CFAP65: variants seen among roughly 807,000 people sequenced by gnomAD.
CFAP65 encodes the protein cilia- and flagella-associated protein 65.
A neutral mutation model predicts 208.0 loss-of-function variants in CFAP65; 155 were observed. The observed-to-expected ratio is 0.75, with a 90% CI of 0.65 to 0.85. The LOEUF (loss-of-function observed/expected upper bound fraction) is 0.85, where lower values mean the gene tolerates loss of function less well. Ranked by LOEUF, CFAP65 falls within the 40% of genes least tolerant of loss-of-function variation. The pLI, the probability that CFAP65 is intolerant of heterozygous loss-of-function variation, is 0.00. For missense variants in CFAP65, 2,294 were observed against 2,451.3 expected (o/e 0.94, Z 1.36); for synonymous variants, 970 against 986.3 (o/e 0.98, Z 0.31).
Position 219,028,246 on chromosome 2 carries a change from C to T in CFAP65, c.1806G>A (p.Lys602=). 1.9e-6 allele frequency: 3 copies of T among 1,614,102 alleles called. No individual in the cohort carries two copies. In the South Asian group the frequency reaches 3.3e-5, roughly 18 times the overall value. ...PDILDAMLKE[K]KLAQDQNGAL... ...CCCCGTTCTGGTCCTGTGCCAGCTT[C>T]TTCTCCTTCAGCATGGCATCCAGGA... The change falls in exon 12 of 35, where the codon AAG becomes AAA. Residue 602 remains lysine (K), a synonymous_variant. Coordinates refer to ENST00000341552, the MANE Select transcript of CFAP65 (RefSeq NM_194302.4).
At position 219,006,128 on chromosome 2, in the gene CFAP65, C is replaced by T. The variant is rs753510174; in HGVS notation, c.4815G>A (p.Gln1605=). 1.2e-6 allele frequency: 2 copies of T among 1,613,642 alleles called. No homozygotes were observed. Among genetic ancestry groups the T allele is most frequent in the Admixed American group, 1.7e-5 (1 of 60,026 alleles). The change falls in exon 31 of 35, where the codon CAG becomes CAA. Residue 1605 remains glutamine, a synonymous_variant. Transcript: ENST00000341552. ...PKEEVSWPCP[Q]PPSPGMLCLG... is the part of the protein sequence containing the mutation. ...GGCAGAGCATGCCTGGCGAGGGTGG[C>T]TGGGGGCAGGGCCAGGACACCTCCT... is the stretch of plus-strand genomic sequence containing the variant.
chr2:219,003,785 G>A lies in CFAP65; in HGVS notation c.5555+167C>T, dbSNP rs976728545. ...AAGAATAAAGTTCAGTGTTGGTGCCGGGCGGATACTCCCACAGAGGCCTTA... is the reference window on the plus strand; with the variant it reads ...AAGAATAAAGTTCAGTGTTGGTGCCAGGCGGATACTCCCACAGAGGCCTTA... On this transcript the variant is annotated intron_variant, in intron 33 of 34. Transcript: ENST00000341552. This position sits in a 1 kb window ranked among gnomAD's most constrained non-coding sequence, Gnocchi z 4.4. Among the ~76,000 whole-genome samples, 2 of 152,140 alleles carry A rather than the reference G, an allele frequency of 1.3e-5. No homozygotes were observed. Among genetic ancestry groups the A allele is most frequent in the African/African-American group, 4.8e-5 (2 of 41,434 alleles).
At chr2:219,038,236 A>G in intron 4 of CFAP65, 139 bp downstream of exon 4, 1 of 718,650 alleles carries the variant, frequency 1.4e-6, no homozygotes, top group Non-Finnish European at 2.3e-6. Context: ...GGTGACAAGG[A>G]AAGTCTAGAC....
intron 11 of CFAP65, 154 bp from the exon 12 acceptor site, chr2:219,028,555 G>T: frequency 1.5e-6 from 1 of 682,970 alleles, no homozygotes; most frequent in Non-Finnish European, 2.6e-6. Context: ...ACTCAGCAGT[G>T]GTCTGGCTCA....
At chr2:219,020,120 C>T (rs1947182332) in intron 19 of CFAP65, among the ~76,000 whole-genome samples, 1 of 150,810 alleles carries the variant, frequency 6.6e-6, no homozygotes, top group African/African-American at 2.5e-5. Flanking sequence ...TTTTCATCAT[C>T]CCAAATAGAA....
chr2:219,009,361 C>G lies in CFAP65; in HGVS notation c.4552G>C (p.Asp1518His). 6.2e-7 allele frequency: 1 copy of G among 1,610,814 alleles called. No individual in the cohort carries two copies. Among genetic ancestry groups the G allele is most frequent in the South Asian group, 1.1e-5 (1 of 91,048 alleles). ...CTGGTTCCTACCTTGCATACCAGGT[C>G]TGCACTGTAGAAGCTGGCATGCACA... ...ASVHASFYSA[D>H]LVCKLYSQQL... Residue 1518 changes from aspartate (D) to histidine (H), a missense_variant, in exon 28 of 35, where the codon GAC becomes CAC. Physicochemically the swap from Asp to His is moderately conservative, Grantham distance 81. Around this residue, in one of 2 missense-constraint regions of CFAP65, gnomAD observed 1,427 missense variants for 1,438.7 expected, o/e 0.99. Coordinates refer to ENST00000341552, the MANE Select transcript of CFAP65 (RefSeq NM_194302.4).
intron 13 of CFAP65, chr2:219,026,959 A>T: frequency 2.0e-6 from 2 of 987,412 alleles, no homozygotes; most frequent in Non-Finnish European, 2.4e-6. Flanking sequence ...AGATGAAAAG[A>T]TCAGGACTCA....
intron 24 of CFAP65, among the ~76,000 whole-genome samples, chr2:219,011,450 T>G: frequency 6.6e-6 from 1 of 151,818 alleles, no homozygotes; most frequent in Non-Finnish European, 1.5e-5. Flanking sequence ...GCTTCAAAAA[T>G]ATATATATTT....
rs200589233 is a variant in CFAP65, at chr2:219,019,567, T to C, written c.3412A>G (p.Ser1138Gly). Residue 1138 changes from serine to glycine, a missense_variant, in exon 20 of 35, where the codon AGT (serine) becomes GGT (glycine). Ser to Gly is a moderately conservative substitution (Grantham distance 56). Coordinates refer to ENST00000341552, the MANE Select transcript of CFAP65 (RefSeq NM_194302.4). ...GGGGTGGGGTCACGCTCCAAGTAAC[T>C]GTTAAGCAGGTCCAGAGAGAAGAGG... ...WRLFSLDLLN[S>G]YLERDPTPCE... 62 of 1,613,674 alleles carry C rather than the reference T, an allele frequency of 3.8e-5. No homozygotes were observed. The African/African-American group carries it at 8.0e-4, about 21-fold the overall frequency.
Position 219,031,211 on chromosome 2 carries a change from T to C in CFAP65, c.910A>G (p.Lys304Glu). 6.2e-7 allele frequency: 1 copy of C among 1,613,630 alleles called. No individual in the cohort carries two copies. The highest frequency in any genetic ancestry group is 1.3e-5 in the African/African-American group (1 of 75,042). Residue 304 changes from lysine to glutamate, a missense_variant, in exon 8 of 35, where the codon AAG (lysine) becomes GAG (glutamate). Transcript: ENST00000341552. The surrounding 1 kb of genome is among the most constrained non-coding windows in gnomAD (Gnocchi z 5.2). ...GCTGTAAGGGGCTGAAAGGTCACCTTGATCTGAGAGGCCTGGCCTGGCTCC... is the reference window on the plus strand; with the variant it reads ...GCTGTAAGGGGCTGAAAGGTCACCTCGATCTGAGAGGCCTGGCCTGGCTCC... ...LLEPGQASQI[K>E]VTFQPLTAVI...
Position 219,023,421 on chromosome 2 carries a change from A to G in CFAP65, c.2606T>C (p.Met869Thr), listed in dbSNP as rs553063052. The G allele has an allele frequency of 2.5e-6, 4 of 1,573,830 alleles. No individual in the cohort carries two copies. The highest frequency in any genetic ancestry group is 4.6e-5 in the East Asian group (2 of 43,528). The change falls in exon 16 of 35, where the codon ATG becomes ACG. Residue 869 changes from methionine to threonine, a missense_variant. This residue lies in a region of CFAP65 where 1,427 missense variants were observed against 1,438.7 expected (regional missense o/e 0.99). Coordinates refer to ENST00000341552, the MANE Select transcript of CFAP65 (RefSeq NM_194302.4). ...ASPQYLKEVS[M>T]YSREEPLQLK... ...CTGCAGTGGCTCCTCCCGGCTGTAC[A>G]TGCTCACCTCCTGGAGCCAGAGGAA... is the stretch of plus-strand genomic sequence containing the variant.
At chr2:219,026,229 C>T in intron 13 of CFAP65, 70 bp from the exon 14 acceptor site, 1 of 1,525,684 alleles carries the variant, frequency 6.6e-7, no homozygotes, top group South Asian at 1.2e-5. Flanking sequence ...CCCATTTTGC[C>T]CCTCCTTGCC....
intron 32 of CFAP65, among the ~76,000 whole-genome samples, chr2:219,005,177 C>T (rs1433884604): frequency 6.6e-6 from 1 of 152,010 alleles, no homozygotes; most frequent in Non-Finnish European, 1.5e-5. Flanking sequence ...AGGCATGCAC[C>T]ACCATGTCCA....
At chr2:219,011,810 C>G (rs1183991490) in intron 24 of CFAP65, among the ~76,000 whole-genome samples, 1 of 152,246 alleles carries the variant, frequency 6.6e-6, no homozygotes. Flanking sequence ...CATGCTGACT[C>G]TATTTCTCTA....
chr2:219,014,361 C>T (rs543596901), intron 21 of CFAP65: 107 of 207,068 alleles, frequency 5.2e-4, no homozygotes, highest in Non-Finnish European at 7.5e-4. Flanking sequence ...ATGAACCCTT[C>T]TGTGACAAAG....
chr2:219,022,035 G>A, intron 17 of CFAP65, 105 bp from the exon 18 acceptor site: 2 of 1,544,336 alleles, frequency 1.3e-6, no homozygotes, highest in Non-Finnish European at 1.8e-6. Flanking sequence ...GGCAAGTTTG[G>A]GGTATCCGGG....
At chr2:219,013,832 A>G (rs773336193) in intron 22 of CFAP65, 36 bp downstream of exon 22, 5 of 1,540,916 alleles carry the variant, frequency 3.2e-6, no homozygotes, top group Non-Finnish European at 4.4e-6. Context: ...GGCCTCTATG[A>G]CTGGAAGTGC....
Position 219,022,278 on chromosome 2 carries a change from C to T in CFAP65, c.2872G>A (p.Val958Met), listed in dbSNP as rs751471813. The stretch of plus-strand genomic sequence containing the variant: ...CCGGCTTCCCAGACCCACATCCCCA[C>T]TTGGAACAGGTACTTGGTCTCCTCC... Reference protein sequence around the residue: ...PLEETKYLFQVGMWVWEAGLS... With the variant: ...PLEETKYLFQMGMWVWEAGLS... The change falls in exon 17 of 35, where the codon GTG (valine) becomes ATG (methionine). Residue 958 changes from valine (V) to methionine (M), a missense_variant. Physicochemically the swap from Val to Met is conservative, Grantham distance 21 (BLOSUM62 1). This residue lies in a region of CFAP65 where 1,427 missense variants were observed against 1,438.7 expected (regional missense o/e 0.99). Coordinates refer to ENST00000341552, the MANE Select transcript of CFAP65 (RefSeq NM_194302.4). 1.1e-5 allele frequency: 17 copies of T among 1,607,830 alleles called. No homozygotes were observed. The East Asian group carries it at 3.4e-4, about 32-fold the overall frequency.
rs775047264 is a variant in CFAP65, at chr2:219,013,529, C to CGGCCATG, written c.3829_3835dup (p.Arg1279ProfsTer37). ...GTGCTGGGGCCTCACCAGGATCTCCCGGCCATGGGACACCTTGAAGAGCAC... is the reference window on the plus strand; with the variant it reads ...GTGCTGGGGCCTCACCAGGATCTCCCGGCCATGGGCCATGGGACACCTTGAAGAGCAC... On this transcript the variant is annotated frameshift_variant, in exon 23 of 35. Transcript: ENST00000341552. LOFTEE classifies it high-confidence loss of function. 6.3e-7 allele frequency: 1 copy of CGGCCATG among 1,599,240 alleles called. No homozygotes were observed. The highest frequency in any genetic ancestry group is 1.1e-5 in the South Asian group (1 of 87,814).
Sources: gnomAD v4.1 joint callset for allele counts (sites outside exome capture counted in the v4.1 genomes callset) on GRCh38, gnomAD v4.1.1 for gene constraint, gnomAD v4.1.1 regional missense constraint, Gnocchi (gnomAD v3.1) non-coding constraint, MANE v1.5 for transcripts, NCBI Gene and HGNC (gene_info 2026-07-23, HGNC 2026-07-21) for gene names.